The following DIAPH3 variants were observed in gnomAD, a reference collection of about 807,000 sequenced individuals.
The protein encoded by DIAPH3 is diaphanous related formin 3.
Under a neutral mutation model 144.3 loss-of-function variants are expected in DIAPH3, and 117 were observed. That is an observed-to-expected ratio of 0.81 (90% CI 0.70 to 0.95). DIAPH3 has a LOEUF of 0.95. DIAPH3 is among the 40% of genes least tolerant of loss of function. DIAPH3 has a pLI of 0.00. For missense variants in DIAPH3, 1,421 were observed against 1,412.7 expected (o/e 1.01, Z -0.09); for synonymous variants, 519 against 488.9 (o/e 1.06, Z -0.81).
chr13:60,160,908 C>A (rs1185351149), intron 1 of DIAPH3, among the ~76,000 whole-genome samples: 2 of 152,186 alleles, frequency 1.3e-5, no homozygotes, highest in Admixed American at 1.3e-4. Flanking sequence ...GCTACAAACT[C>A]TTTTACCCAA....
At chr13:59,873,788 T>C (rs1471222816) in intron 21 of DIAPH3, among the ~76,000 whole-genome samples, 2 of 149,218 alleles carry the variant, frequency 1.3e-5, no homozygotes, top group Non-Finnish European at 3.0e-5. Flanking sequence ...TGCCTCAGCC[T>C]CACGAATAGA....
At chr13:60,108,000 G>A (rs1455052978) in intron 3 of DIAPH3, among the ~76,000 whole-genome samples, 1 of 152,118 alleles carries the variant, frequency 6.6e-6, no homozygotes, top group African/African-American at 2.4e-5. Flanking sequence ...ATGTTTTTGT[G>A]TTATTGGGCT....
chr13:59,976,108 A>C (rs987298513), intron 14 of DIAPH3, among the ~76,000 whole-genome samples: 3 of 151,848 alleles, frequency 2.0e-5, no homozygotes, highest in African/African-American at 7.3e-5. Context: ...CCCTTACCAT[A>C]ATCCCTCTTT....
chr13:59,879,103 A>G, intron 21 of DIAPH3, 126 bp downstream of exon 21: 4 of 1,359,094 alleles, frequency 2.9e-6, no homozygotes, highest in Non-Finnish European at 4.0e-6. Flanking sequence ...GTTTGAGTTC[A>G]TGGTTCAGTT....
At chr13:59,668,997 T>C (rs1350770011) in intron 27 of DIAPH3, among the ~76,000 whole-genome samples, 1 of 152,148 alleles carries the variant, frequency 6.6e-6, no homozygotes, top group Non-Finnish European at 1.5e-5. Context: ...ACTTAGTTAC[T>C]GAGTAAATCG....
intron 9 of DIAPH3, among the ~76,000 whole-genome samples, chr13:60,006,108 C>T (rs542939971): frequency 1.4e-4 from 22 of 152,188 alleles, no homozygotes; most frequent in Admixed American, 7.2e-4. Flanking sequence ...TTTAAATCAA[C>T]GTAGTTTGCC....
intron 27 of DIAPH3, among the ~76,000 whole-genome samples, chr13:59,727,895 T>G (rs1408096666): frequency 6.6e-6 from 1 of 151,944 alleles, no homozygotes; most frequent in African/African-American, 2.4e-5. Flanking sequence ...AGAAGGTGAG[T>G]GTGGACAGTA....
chr13:60,162,777 T>C (rs1952352480), intron 1 of DIAPH3, among the ~76,000 whole-genome samples: 1 of 147,074 alleles, frequency 6.8e-6, no homozygotes, highest in Admixed American at 7.1e-5. Context: ...ATAAGGCAAA[T>C]GCTGTACTCT....
At chr13:59,827,832 A>T (rs2041533353) in intron 24 of DIAPH3, among the ~76,000 whole-genome samples, 1 of 152,074 alleles carries the variant, frequency 6.6e-6, no homozygotes, top group South Asian at 2.1e-4. Flanking sequence ...CAGAAAAATT[A>T]GGTTTAAACT....
intron 25 of DIAPH3, among the ~76,000 whole-genome samples, chr13:59,775,489 G>T (rs1007297685): frequency 6.6e-6 from 1 of 152,126 alleles, no homozygotes; most frequent in South Asian, 2.1e-4. Flanking sequence ...TGATCTGCCC[G>T]CCTCAGACTA....
intron 20 of DIAPH3, among the ~76,000 whole-genome samples, chr13:59,900,458 A>C (rs150008444): frequency 6.6e-6 from 1 of 152,284 alleles, no homozygotes; most frequent in African/African-American, 2.4e-5. Flanking sequence ...ACTCATGGTT[A>C]GTTTTTGAAA....
intron 1 of DIAPH3, among the ~76,000 whole-genome samples, chr13:60,156,940 T>TATATATATATA (rs58923567): frequency 2.1e-4 from 6 of 27,952 alleles, no homozygotes; most frequent in South Asian, 1.6e-3. Flanking sequence ...TATATATATA[T>TATATATATATA]TTTTTTTTTT....
At chr13:59,748,521 A>C (rs1301979615) in intron 27 of DIAPH3, among the ~76,000 whole-genome samples, 1 of 152,182 alleles carries the variant, frequency 6.6e-6, no homozygotes, top group African/African-American at 2.4e-5. Context: ...ATCATTATTG[A>C]TCCATTTGTT....
intron 1 of DIAPH3, among the ~76,000 whole-genome samples, chr13:60,138,818 A>AGGGGG (rs2059360455): frequency 9.5e-6 from 1 of 105,324 alleles, no homozygotes; most frequent in African/African-American, 3.2e-5. Flanking sequence ...GGAAGAGGGA[A>AGGGGG]GAGGGGAGGG....
intron 22 of DIAPH3, among the ~76,000 whole-genome samples, chr13:59,853,335 G>C (rs1482351243): frequency 3.3e-5 from 5 of 152,120 alleles, no homozygotes; most frequent in Non-Finnish European, 7.3e-5. Flanking sequence ...ATATGGTTTG[G>C]ATTTGTGTCC....
At chr13:60,059,565 C>A (rs866545297) in intron 4 of DIAPH3, among the ~76,000 whole-genome samples, 15 of 151,958 alleles carry the variant, frequency 9.9e-5, no homozygotes, top group Middle Eastern at 3.4e-3. Flanking sequence ...ATAAAAAGGT[C>A]ATATGGTGTC....
At chr13:59,884,349 A>G (rs1381558648) in intron 20 of DIAPH3, among the ~76,000 whole-genome samples, 1 of 152,118 alleles carries the variant, frequency 6.6e-6, no homozygotes, top group Non-Finnish European at 1.5e-5. Flanking sequence ...AGTACAATGT[A>G]ATAATAGAAA....
intron 27 of DIAPH3, among the ~76,000 whole-genome samples, chr13:59,711,773 C>G (rs1171287006): frequency 1.3e-5 from 2 of 152,120 alleles, no homozygotes; most frequent in African/African-American, 4.8e-5. Context: ...TTGAATAACT[C>G]CAAGGCACAT....
chr13:59,979,627 T>C (rs2050876095), intron 14 of DIAPH3, among the ~76,000 whole-genome samples: 1 of 151,660 alleles, frequency 6.6e-6, no homozygotes, highest in Admixed American at 6.6e-5. Context: ...TTAGGACATT[T>C]ATAATGTTTT....
Sources: gnomAD v4.1 joint callset for allele counts (sites outside exome capture counted in the v4.1 genomes callset) on GRCh38, gnomAD v4.1.1 for gene constraint, MANE v1.5 for transcripts, NCBI Gene and HGNC (gene_info 2026-07-23, HGNC 2026-07-21) for gene names.